The following TRPM3 variants were observed in gnomAD, a reference collection of about 807,000 sequenced individuals.
TRPM3 encodes the protein long transient receptor potential channel 3.
Under a neutral mutation model 181.2 loss-of-function variants are expected in TRPM3, and 77 were observed. The observed-to-expected ratio is 0.42, with a 90% CI of 0.35 to 0.51. TRPM3 has a LOEUF of 0.51. TRPM3 is among the 20% of genes least tolerant of loss of function. The pLI is 0.01. For missense variants in TRPM3, 1,759 were observed against 2,196.7 expected, an observed-to-expected ratio of 0.80 and a Z score of 3.98; for synonymous variants, 745 against 796.4, an observed-to-expected ratio of 0.94 and a Z score of 1.09.
intron 9 of TRPM3, among the ~76,000 whole-genome samples, chr9:70,650,232 GAAATGATTTGTACACA>G (rs773741860): frequency 3.1e-4 from 47 of 152,120 alleles, no homozygotes; most frequent in Non-Finnish European, 4.0e-4. Flanking sequence ...CCTGGATGAT[GAAATGATTTGTACACA>G]AAACCACAGG....
chr9:70,662,741 A>C (rs979923020), intron 9 of TRPM3, among the ~76,000 whole-genome samples: 78 of 134,108 alleles, frequency 5.8e-4, no homozygotes, highest in African/African-American at 2.2e-3. Context: ...TCAAAGAACA[A>C]TAGATGTTGG....
At chr9:70,877,861 T>C (rs1422568012) in intron 1 of TRPM3, among the ~76,000 whole-genome samples, 1 of 150,324 alleles carries the variant, frequency 6.7e-6, no homozygotes, top group Non-Finnish European at 1.5e-5. Context: ...TGGGAAGCTA[T>C]ATATAACACT....
rs372213828 is a variant in TRPM3 at position 70,625,240 on chromosome 9, G to C, written c.1760C>G (p.Thr587Arg). ...GTAGAGGGTCCGGAAGCGCTTGCGCGTGTAGTTGCAGCGATAAGCCCCGCC... is the reference window on the plus strand; with the variant it reads ...GTAGAGGGTCCGGAAGCGCTTGCGCCTGTAGTTGCAGCGATAAGCCCCGCC... The part of the protein sequence containing the change: ...LMGGAYRCNY[T>R]RKRFRTLYHN... Residue 587 changes from threonine (T) to arginine (R), a missense_variant, in exon 14 of 26, where the codon ACG becomes AGG. Physicochemically the swap from Thr to Arg is moderately conservative, Grantham distance 71 (BLOSUM62 -1). Transcript: ENST00000677713. This position sits in a 1 kb window ranked among gnomAD's most constrained non-coding sequence, Gnocchi z 4.8. 4 of 1,614,016 alleles carry C rather than the reference G, an allele frequency of 2.5e-6. No homozygotes were observed. The highest frequency in any genetic ancestry group is 3.4e-6 in the Non-Finnish European group (4 of 1,180,038).
At chr9:71,440,822 A>G (rs1275117867) in intron 1 of TRPM3, among the ~76,000 whole-genome samples, 3 of 152,210 alleles carry the variant, frequency 2.0e-5, no homozygotes, top group Non-Finnish European at 4.4e-5. Flanking sequence ...GGCTTTGCAA[A>G]TGAAAGAAAT....
intron 1 of TRPM3, among the ~76,000 whole-genome samples, chr9:71,063,915 C>G (rs1449191519): frequency 6.6e-6 from 1 of 151,692 alleles, no homozygotes; most frequent in Non-Finnish European, 1.5e-5. Flanking sequence ...TAGAAAGGAC[C>G]CAGAACTAAA....
At chr9:71,373,131 G>A (rs1460771893) in intron 1 of TRPM3, among the ~76,000 whole-genome samples, 4 of 152,144 alleles carry the variant, frequency 2.6e-5, no homozygotes, top group African/African-American at 9.7e-5. Flanking sequence ...GCAGTGTTAA[G>A]TGGGAAATTT....
chr9:70,782,061 T>G (rs1480363549), intron 7 of TRPM3, among the ~76,000 whole-genome samples: 1 of 152,120 alleles, frequency 6.6e-6, no homozygotes, highest in African/African-American at 2.4e-5. Flanking sequence ...TGTATCTACT[T>G]TGTAGGAATA....
At chr9:71,198,112 C>T (rs2078514702) in intron 1 of TRPM3, among the ~76,000 whole-genome samples, 1 of 149,394 alleles carries the variant, frequency 6.7e-6, no homozygotes, top group African/African-American at 2.4e-5. Flanking sequence ...TTCCCAGCAC[C>T]ATTTATTAAA....
chr9:71,391,424 T>G lies in TRPM3; in HGVS notation c.183+55229A>C, dbSNP rs1164116299. On this transcript the variant is annotated intron_variant, in intron 1 of 24. Transcript: ENST00000357533. ...TCGCTGATAAAATATGACGTGATCTTGCCTAAGATGTTACCTTTCCTCAAC... is the reference window on the plus strand; with the variant it reads ...TCGCTGATAAAATATGACGTGATCTGGCCTAAGATGTTACCTTTCCTCAAC... Among the ~76,000 whole-genome samples the G allele has an allele frequency of 2.0e-5, 3 of 152,062 alleles. No homozygotes were observed. In the East Asian group the frequency reaches 5.8e-4, roughly 29 times the overall value.
At chr9:71,129,205 A>G (rs2074226769) in intron 1 of TRPM3, among the ~76,000 whole-genome samples, 1 of 152,200 alleles carries the variant, frequency 6.6e-6, no homozygotes, top group Non-Finnish European at 1.5e-5. Flanking sequence ...ATTTTTATTA[A>G]CATTAATAGT....
At chr9:70,741,463 A>G (rs554172642) in intron 8 of TRPM3, among the ~76,000 whole-genome samples, 2 of 152,226 alleles carry the variant, frequency 1.3e-5, no homozygotes, top group African/African-American at 4.8e-5. Flanking sequence ...CAGGAATCAC[A>G]CTACTGGGTA....
intron 1 of TRPM3, among the ~76,000 whole-genome samples, chr9:71,158,513 A>T (rs1207951501): frequency 2.0e-5 from 3 of 152,192 alleles, no homozygotes; most frequent in African/African-American, 7.2e-5. Context: ...ACAATTGAAT[A>T]AAGTGGAAAT....
intron 9 of TRPM3, among the ~76,000 whole-genome samples, chr9:70,659,576 A>G (rs1306203915): frequency 6.6e-6 from 1 of 152,178 alleles, no homozygotes; most frequent in East Asian, 1.9e-4. Context: ...CTGTCCTACC[A>G]TGATGTGTCT....
chr9:70,889,204 A>G (rs542462482), intron 1 of TRPM3, among the ~76,000 whole-genome samples: 28 of 152,288 alleles, frequency 1.8e-4, no homozygotes, highest in Admixed American at 1.8e-3. Flanking sequence ...CCCATATGGG[A>G]CAAATGGTTG....
intron 6 of TRPM3, among the ~76,000 whole-genome samples, chr9:70,823,000 T>C (rs902128767): frequency 6.6e-6 from 1 of 152,138 alleles, no homozygotes; most frequent in Non-Finnish European, 1.5e-5. Flanking sequence ...TGATGGTGGC[T>C]TCTCCAGCAT....
chr9:71,128,293 C>T (rs1565254312), intron 1 of TRPM3, among the ~76,000 whole-genome samples: 1 of 152,092 alleles, frequency 6.6e-6, no homozygotes, highest in Non-Finnish European at 1.5e-5. Flanking sequence ...AAGCAGCTTC[C>T]ACCTTACCAA....
At chr9:70,873,704 G>A (rs1019845937) in intron 1 of TRPM3, among the ~76,000 whole-genome samples, 4 of 151,886 alleles carry the variant, frequency 2.6e-5, no homozygotes, top group African/African-American at 9.7e-5. Context: ...CATGACCATT[G>A]TTCCTCTTCC....
intron 1 of TRPM3, among the ~76,000 whole-genome samples, chr9:71,035,459 T>C (rs1242196447): frequency 6.6e-6 from 1 of 152,240 alleles, no homozygotes; most frequent in Non-Finnish European, 1.5e-5. Context: ...CTCATGCCTG[T>C]AATCCCAGCA....
intron 1 of TRPM3, among the ~76,000 whole-genome samples, chr9:70,879,436 C>A (rs1216877240): frequency 1.3e-5 from 2 of 152,022 alleles, no homozygotes; most frequent in Non-Finnish European, 2.9e-5. Flanking sequence ...ATTTTCCTTT[C>A]TCTGTTTCTC....
Sources: allele counts gnomAD v4.1 joint callset (sites outside exome capture counted in the v4.1 genomes callset), GRCh38; gene constraint gnomAD v4.1.1; non-coding constraint Gnocchi (gnomAD v3.1); transcripts MANE v1.5; gene names NCBI Gene and HGNC (gene_info 2026-07-23, HGNC 2026-07-21).